Variants in PTPRD observed in about 807,000 individuals in gnomAD.
PTPRD encodes protein tyrosine phosphatase receptor type D.
Under a neutral mutation model 214.5 loss-of-function variants are expected in PTPRD, and 34 were observed. The ratio of observed to expected loss-of-function variants is 0.16; its 90% CI spans 0.12 to 0.21. The LOEUF (loss-of-function observed/expected upper bound fraction) is 0.21. Ranked by LOEUF, PTPRD falls within the 10% of genes least tolerant of loss-of-function variation. PTPRD has a pLI of 1.00. For missense variants in PTPRD, 2,545 were observed against 2,398.7 expected, an observed-to-expected ratio of 1.06 and a Z score of -1.27; for synonymous variants, 1,128 against 845.7, an observed-to-expected ratio of 1.33 and a Z score of -5.79.
At chr9:10,173,755 T>C (rs1437910072) in intron 3 of PTPRD, among the ~76,000 whole-genome samples, 1 of 151,778 alleles carries the variant, frequency 6.6e-6, no homozygotes, top group Non-Finnish European at 1.5e-5. Flanking sequence ...ATTCTTGAGG[T>C]AAACGCCTTT....
intron 5 of PTPRD, among the ~76,000 whole-genome samples, chr9:9,768,934 G>T (rs948236845): frequency 1.3e-5 from 2 of 152,098 alleles, no homozygotes; most frequent in Non-Finnish European, 2.9e-5. Flanking sequence ...AATAGCTTCG[G>T]CATTATAATC....
rs142378955 is a variant in PTPRD, at chr9:9,962,827, C to A, written c.-471-24217G>T. Among the ~76,000 whole-genome samples, 19 of 152,062 alleles carry A rather than the reference C, an allele frequency of 1.2e-4. No homozygotes were observed. The East Asian group carries it at 2.7e-3, about 22-fold the overall frequency. ...CAGAAATATAAGAGTTCAATAAAGA[C>A]TGTTCCCAAAAGAAAATATAGTAGC... is the stretch of plus-strand genomic sequence containing the variant. On this transcript the variant is annotated intron_variant, in intron 4 of 45. Coordinates refer to ENST00000381196, the MANE Select transcript of PTPRD (RefSeq NM_002839.4).
intron 14 of PTPRD, among the ~76,000 whole-genome samples, chr9:8,570,773 G>A (rs1346050474): frequency 2.0e-5 from 3 of 152,008 alleles, no homozygotes; most frequent in African/African-American, 4.8e-5. Flanking sequence ...TCATAATGGT[G>A]ATGGATTGGT....
intron 4 of PTPRD, among the ~76,000 whole-genome samples, chr9:10,009,303 A>G (rs1166834593): frequency 6.6e-6 from 1 of 150,788 alleles, no homozygotes; most frequent in Non-Finnish European, 1.5e-5. Flanking sequence ...TCTGAAAACA[A>G]GTATCCAAGG....
chr9:8,336,868 T>C lies in PTPRD; in HGVS notation c.5379+2054A>G, dbSNP rs1183952832. Reference sequence around the variant, plus strand: ...ATGAAAAAATGCTATCACTGGTCATTAGAGAAATGCAAATCAAAACCACAA... The same window carrying C: ...ATGAAAAAATGCTATCACTGGTCATCAGAGAAATGCAAATCAAAACCACAA... On this transcript the variant is annotated intron_variant, in intron 43 of 45. Coordinates refer to ENST00000381196, the MANE Select transcript of PTPRD (RefSeq NM_002839.4). 3.6e-4 allele frequency among the ~76,000 whole-genome samples: 55 copies of C among 152,138 alleles called. No homozygotes were observed. The South Asian group carries it at 0.011, about 31-fold the overall frequency.
chr9:9,596,421 T>A (rs1033331199), intron 7 of PTPRD, among the ~76,000 whole-genome samples: 12 of 152,132 alleles, frequency 7.9e-5, no homozygotes, highest in African/African-American at 2.4e-4. Flanking sequence ...GACGATATTA[T>A]ACTGAATTAT....
rs143407120 is a variant in PTPRD at position 10,180,862 on chromosome 9, A to G, written c.-544-147072T>C. Among the ~76,000 whole-genome samples, 5 of 152,190 alleles carry G rather than the reference A, an allele frequency of 3.3e-5. No individual in the cohort carries two copies. In the East Asian group the frequency reaches 9.7e-4, roughly 29 times the overall value. ...GGAGAAAAATGATTTTATGAAGTTA[A>G]AAATATTAATGATGGAAAAGAAAAT... is the stretch of plus-strand genomic sequence containing the variant. On this transcript the variant is annotated intron_variant, in intron 3 of 45. Coordinates refer to ENST00000381196, the MANE Select transcript of PTPRD (RefSeq NM_002839.4).
intron 2 of PTPRD, among the ~76,000 whole-genome samples, chr9:10,564,994 A>G (rs1358938516): frequency 1.3e-5 from 2 of 152,088 alleles, no homozygotes; most frequent in Non-Finnish European, 2.9e-5. Context: ...TAAATTTGAA[A>G]CTTTCTAGGC....
In PTPRD at chr9:8,584,395, G is replaced by A. The variant is rs370499208; in HGVS notation, c.352+48922C>T. Reference sequence around the variant, plus strand: ...AATGCACAGATGCTAGCCTCCCTTAGATTGCCAATATGTGTGTGTAGTACA... The same window carrying A: ...AATGCACAGATGCTAGCCTCCCTTAAATTGCCAATATGTGTGTGTAGTACA... On this transcript the variant is annotated intron_variant, in intron 14 of 45. Transcript: ENST00000381196. Among the ~76,000 whole-genome samples, 13 of 151,446 alleles carry A rather than the reference G, an allele frequency of 8.6e-5. No individual in the cohort carries two copies. In the East Asian group the frequency reaches 2.5e-3, roughly 30 times the overall value.
intron 2 of PTPRD, among the ~76,000 whole-genome samples, chr9:10,346,204 G>A (rs539524156): frequency 6.6e-6 from 1 of 152,270 alleles, no homozygotes; most frequent in South Asian, 2.1e-4. Flanking sequence ...AGAATTAGAA[G>A]CAAAACATAT....
intron 11 of PTPRD, among the ~76,000 whole-genome samples, chr9:8,796,040 C>T (rs903920636): frequency 6.6e-5 from 10 of 152,148 alleles, no homozygotes; most frequent in Non-Finnish European, 1.5e-4. Context: ...ACCACAAAGG[C>T]AGGTTTAGGT....
chr9:8,337,651 A>G (rs1476645312), intron 43 of PTPRD, among the ~76,000 whole-genome samples: 1 of 151,818 alleles, frequency 6.6e-6, no homozygotes, highest in Non-Finnish European at 1.5e-5. Flanking sequence ...ATACAATCAC[A>G]GGGAGACTTT....
chr9:8,441,642 G>C (rs1485941384), intron 34 of PTPRD, among the ~76,000 whole-genome samples: 1 of 151,968 alleles, frequency 6.6e-6, no homozygotes, highest in Admixed American at 6.6e-5. Flanking sequence ...GTATCCACAA[G>C]GCAATGGACT....
chr9:9,117,579 T>G (rs1171605250), intron 10 of PTPRD, among the ~76,000 whole-genome samples: 1 of 152,188 alleles, frequency 6.6e-6, no homozygotes, highest in Non-Finnish European at 1.5e-5. Flanking sequence ...ATTTTTCTCT[T>G]TATCACTTTA....
chr9:10,582,999 A>G (rs987503230), intron 2 of PTPRD, among the ~76,000 whole-genome samples: 1 of 152,246 alleles, frequency 6.6e-6, no homozygotes, highest in East Asian at 1.9e-4. Context: ...ACTAATGTCT[A>G]TATTAGGCTA....
intron 3 of PTPRD, among the ~76,000 whole-genome samples, chr9:10,126,462 CAT>C (rs1340948056): frequency 1.4e-5 from 2 of 145,772 alleles, no homozygotes; most frequent in African/African-American, 2.6e-5. Context: ...CACACACACA[CAT>C]TGATATATAT....
At chr9:9,381,739 G>T (rs2062355363) in intron 9 of PTPRD, among the ~76,000 whole-genome samples, 2 of 150,370 alleles carry the variant, frequency 1.3e-5, no homozygotes, top group South Asian at 4.2e-4. Flanking sequence ...TTTTTTAGTG[G>T]CTACCATAAA....
intron 2 of PTPRD, among the ~76,000 whole-genome samples, chr9:10,393,408 T>C (rs1485130791): frequency 2.6e-5 from 4 of 151,714 alleles, no homozygotes; most frequent in African/African-American, 9.7e-5. Context: ...ATTAGACCCA[T>C]TTCTTTCAAG....
intron 4 of PTPRD, among the ~76,000 whole-genome samples, chr9:10,025,058 C>T (rs1012404665): frequency 5.9e-5 from 9 of 151,918 alleles, no homozygotes; most frequent in African/African-American, 2.2e-4. Context: ...GGTTCCAAGT[C>T]TTTGCTATTG....
Sources: gnomAD v4.1 joint callset for allele counts (sites outside exome capture counted in the v4.1 genomes callset) on GRCh38, gnomAD v4.1.1 for gene constraint, MANE v1.5 for transcripts, NCBI Gene and HGNC (gene_info 2026-07-23, HGNC 2026-07-21) for gene names.